Variants in BANK1 observed in about 807,000 individuals in gnomAD.
BANK1 encodes the protein B-cell scaffold protein with ankyrin repeats.
A neutral mutation model predicts 94.5 loss-of-function variants in BANK1; 95 were observed. The ratio of observed to expected loss-of-function variants is 1.00; its 90% CI spans 0.85 to 1.19. BANK1 has a LOEUF of 1.19. BANK1 is among the 50% of genes most tolerant of loss of function. The pLI is 0.00. For synonymous variants in BANK1, 334 were observed against 308.4 expected, an observed-to-expected ratio of 1.08 and a Z score of -0.87; for missense variants, 987 against 932.2, an observed-to-expected ratio of 1.06 and a Z score of -0.77.
At position 102,030,274 on chromosome 4, in the gene BANK1, CATT is replaced by C. The variant is rs1437696847; in HGVS notation, c.1900+10_1900+12del. 8 of 1,553,170 alleles carry C rather than the reference CATT, an allele frequency of 5.2e-6. No homozygotes were observed. The Admixed American group carries it at 8.7e-5, about 17-fold the overall frequency. On this transcript the variant is annotated intron_variant, in intron 10 of 16. Coordinates refer to ENST00000322953, the MANE Select transcript of BANK1 (RefSeq NM_017935.5). Reference sequence around the variant, plus strand: ...ACCTTACATAGCTCAAGGTAATTATCATTGTTGTTTGTTTACTTGTTAATTTTT... The same window carrying C: ...ACCTTACATAGCTCAAGGTAATTATCGTTGTTTGTTTACTTGTTAATTTTT...
intron 2 of BANK1, among the ~76,000 whole-genome samples, chr4:101,835,519 A>C (rs1164158399): frequency 6.6e-6 from 1 of 152,248 alleles, no homozygotes; most frequent in Non-Finnish European, 1.5e-5. Flanking sequence ...TACCAAACCA[A>C]GGATTTCAAA....
At chr4:102,068,113 T>C (rs1317988520) in intron 13 of BANK1, among the ~76,000 whole-genome samples, 1 of 152,106 alleles carries the variant, frequency 6.6e-6, no homozygotes, top group Non-Finnish European at 1.5e-5. Context: ...CATAAGAAAG[T>C]ATTTCAACCT....
At chr4:102,045,018 C>A (rs1371431745) in intron 11 of BANK1, among the ~76,000 whole-genome samples, 2 of 150,768 alleles carry the variant, frequency 1.3e-5, no homozygotes, top group South Asian at 4.2e-4. Flanking sequence ...TTTTGCTGTG[C>A]AGAAGCTCTT....
chr4:102,024,401 A>T (rs911706741), intron 8 of BANK1, among the ~76,000 whole-genome samples: 10 of 152,058 alleles, frequency 6.6e-5, no homozygotes, highest in Admixed American at 6.5e-4. Context: ...AAAATTTAAT[A>T]AAAGTTTTTT....
intron 7 of BANK1, among the ~76,000 whole-genome samples, chr4:102,015,879 G>A (rs1045248765): frequency 1.3e-5 from 2 of 152,026 alleles, no homozygotes; most frequent in East Asian, 1.9e-4. Context: ...TCTAAAATAC[G>A]GGCAGGAACA....
chr4:101,986,879 G>GTA (rs1413372137), intron 7 of BANK1, among the ~76,000 whole-genome samples: 13 of 50,638 alleles, frequency 2.6e-4, no homozygotes, highest in South Asian at 1.2e-3. Context: ...GTGTATGTGT[G>GTA]TGTGTGTGTG....
At chr4:101,886,561 G>T (rs573913517) in intron 5 of BANK1, among the ~76,000 whole-genome samples, 88 of 152,208 alleles carry the variant, frequency 5.8e-4, no homozygotes, top group African/African-American at 2.0e-3. Flanking sequence ...TTAACAGTAC[G>T]TTGTTACAAA....
intron 3 of BANK1, among the ~76,000 whole-genome samples, chr4:101,861,335 A>T (rs553260365): frequency 6.6e-6 from 1 of 152,298 alleles, no homozygotes; most frequent in Admixed American, 6.5e-5. Context: ...TGAGTAATTT[A>T]TACTTAGGGG....
At chr4:101,925,462 A>C (rs1196168368) in intron 7 of BANK1, among the ~76,000 whole-genome samples, 1 of 151,778 alleles carries the variant, frequency 6.6e-6, no homozygotes, top group Non-Finnish European at 1.5e-5. Flanking sequence ...CATTAAAATT[A>C]ATTCAATACC....
chr4:101,830,346 A>G (rs762667839), intron 2 of BANK1, 140 bp downstream of exon 2: 48 of 634,412 alleles, frequency 7.6e-5, no homozygotes, highest in Admixed American at 2.2e-4. Flanking sequence ...ATTCAACAGT[A>G]TGTTGTACTG....
intron 7 of BANK1, among the ~76,000 whole-genome samples, chr4:101,963,390 C>T (rs1440165809): frequency 6.6e-6 from 1 of 152,104 alleles, no homozygotes; most frequent in African/African-American, 2.4e-5. Context: ...AGATATTTAT[C>T]TCTCCAATTA....
At chr4:101,866,080 C>G (rs1181981192) in intron 4 of BANK1, among the ~76,000 whole-genome samples, 1 of 151,926 alleles carries the variant, frequency 6.6e-6, no homozygotes, top group African/African-American at 2.4e-5. Context: ...AAGCATGCAT[C>G]AGACTAGAAT....
At chr4:101,840,321 T>C (rs1434288113) in intron 2 of BANK1, among the ~76,000 whole-genome samples, 2 of 152,142 alleles carry the variant, frequency 1.3e-5, no homozygotes, top group African/African-American at 2.4e-5. Flanking sequence ...ATGCCTGACT[T>C]TGAATTATGG....
intron 1 of BANK1, among the ~76,000 whole-genome samples, chr4:101,808,009 C>T (rs1232339327): frequency 2.0e-5 from 3 of 150,652 alleles, no homozygotes; most frequent in South Asian, 2.1e-4. Flanking sequence ...CGCTTGAACC[C>T]GGGATGTGGA....
intron 3 of BANK1, among the ~76,000 whole-genome samples, chr4:101,857,729 A>G (rs1488372767): frequency 6.6e-6 from 1 of 152,222 alleles, no homozygotes; most frequent in Non-Finnish European, 1.5e-5. Context: ...CCCATGCACT[A>G]GTGAAGATAT....
intron 7 of BANK1, among the ~76,000 whole-genome samples, chr4:101,994,925 G>A (rs1442816034): frequency 6.6e-6 from 1 of 151,932 alleles, no homozygotes; most frequent in Non-Finnish European, 1.5e-5. Context: ...AATTCTTATT[G>A]TCATAATTTA....
intron 9 of BANK1, among the ~76,000 whole-genome samples, chr4:102,028,638 A>T (rs1727181596): frequency 6.6e-6 from 1 of 152,204 alleles, no homozygotes; most frequent in Non-Finnish European, 1.5e-5. Flanking sequence ...AAAAGCCTTC[A>T]TTGGCCTTGT....
intron 1 of BANK1, among the ~76,000 whole-genome samples, chr4:101,814,660 G>A (rs192989253): frequency 3.9e-5 from 6 of 152,194 alleles, no homozygotes; most frequent in Non-Finnish European, 8.8e-5. Flanking sequence ...TAGATGATGT[G>A]AATTTAAGTC....
intron 7 of BANK1, among the ~76,000 whole-genome samples, chr4:101,955,104 T>G (rs1481062501): frequency 6.6e-6 from 1 of 152,124 alleles, no homozygotes; most frequent in Non-Finnish European, 1.5e-5. Flanking sequence ...TGACAGGTGC[T>G]GTAGAAAGGG....
Sources: gnomAD v4.1 joint callset for allele counts (sites outside exome capture counted in the v4.1 genomes callset) on GRCh38, gnomAD v4.1.1 for gene constraint, MANE v1.5 for transcripts, NCBI Gene and HGNC (gene_info 2026-07-23, HGNC 2026-07-21) for gene names.